SPAG16: variants seen among roughly 807,000 people sequenced by gnomAD.
SPAG16 encodes the protein sperm associated antigen 16.
A neutral mutation model predicts 80.4 loss-of-function variants in SPAG16; 86 were observed. The ratio of observed to expected loss-of-function variants is 1.07; its 90% CI spans 0.90 to 1.28. The LOEUF (loss-of-function observed/expected upper bound fraction) is 1.28. SPAG16 is among the 50% of genes most tolerant of loss of function. The pLI is 0.00. For synonymous variants in SPAG16, 294 were observed against 265.9 expected (o/e 1.11, Z -1.03); for missense variants, 870 against 765.3 (o/e 1.14, Z -1.61).
intron 5 of SPAG16, among the ~76,000 whole-genome samples, chr2:213,320,544 C>A (rs1205673836): frequency 1.3e-5 from 2 of 151,938 alleles, no homozygotes; most frequent in South Asian, 2.1e-4. Flanking sequence ...AATTTCTCTT[C>A]ATCTCCCCTT....
intron 10 of SPAG16, among the ~76,000 whole-genome samples, chr2:213,746,135 C>T (rs2067811056): frequency 6.6e-6 from 1 of 152,182 alleles, no homozygotes; most frequent in Non-Finnish European, 1.5e-5. Context: ...TATTTTTTGT[C>T]ATAGACACAT....
chr2:214,166,751 C>T (rs974933933), intron 15 of SPAG16, among the ~76,000 whole-genome samples: 13 of 152,034 alleles, frequency 8.6e-5, no homozygotes, highest in African/African-American at 2.9e-4. Flanking sequence ...CTACAATGTG[C>T]GTAGGCATTC....
chr2:213,819,231 CAG>C, intron 10 of SPAG16, among the ~76,000 whole-genome samples: 1 of 152,290 alleles, frequency 6.6e-6, no homozygotes, highest in East Asian at 1.9e-4. Context: ...CAATTCCAAT[CAG>C]AGAGTTTTGC....
At chr2:213,897,172 A>G (rs2077027992) in intron 11 of SPAG16, among the ~76,000 whole-genome samples, 1 of 152,182 alleles carries the variant, frequency 6.6e-6, no homozygotes, top group South Asian at 2.1e-4. Context: ...TTAAATTATT[A>G]TTTGTACCCT....
chr2:213,907,454 GA>G (rs1293104717), intron 11 of SPAG16, among the ~76,000 whole-genome samples: 1 of 144,070 alleles, frequency 6.9e-6, no homozygotes, highest in East Asian at 2.0e-4. Context: ...AGCCATTTTG[GA>G]AAACAGCGTG....
At chr2:214,222,842 AAT>A (rs1177854209) in intron 15 of SPAG16, among the ~76,000 whole-genome samples, 2 of 152,290 alleles carry the variant, frequency 1.3e-5, no homozygotes, top group African/African-American at 4.8e-5. Context: ...ATACCAAATA[AAT>A]AGTAATCTTT....
At chr2:213,905,245 CA>C (rs564151634) in intron 11 of SPAG16, among the ~76,000 whole-genome samples, 14 of 150,600 alleles carry the variant, frequency 9.3e-5, no homozygotes, top group East Asian at 3.9e-4. Flanking sequence ...TGCATCTATC[CA>C]AAAAAAAATT....
At chr2:213,377,893 ATATATATATAT>A (rs1559472108) in intron 9 of SPAG16, among the ~76,000 whole-genome samples, 2,062 of 81,640 alleles carry the variant, frequency 0.025, 19 homozygotes, top group South Asian at 0.043. Flanking sequence ...ATATATATAT[ATATATATATAT>A]TTTTTTTTTT....
chr2:213,573,124 T>C (rs899039208), intron 10 of SPAG16, among the ~76,000 whole-genome samples: 1 of 152,096 alleles, frequency 6.6e-6, no homozygotes, highest in African/African-American at 2.4e-5. Context: ...CCCACTGGCC[T>C]GCGCCCACTG....
chr2:214,152,045 T>C (rs1378128877), intron 15 of SPAG16, among the ~76,000 whole-genome samples: 1 of 152,182 alleles, frequency 6.6e-6, no homozygotes, highest in Non-Finnish European at 1.5e-5. Flanking sequence ...ATGACAGATC[T>C]TTATAAATAA....
At chr2:213,829,238 T>C (rs1316016945) in intron 10 of SPAG16, among the ~76,000 whole-genome samples, 1 of 152,144 alleles carries the variant, frequency 6.6e-6, no homozygotes, top group Non-Finnish European at 1.5e-5. Flanking sequence ...CACTTTTTTC[T>C]TTTGTGACCC....
At chr2:214,261,054 C>A (rs1691119350) in intron 15 of SPAG16, among the ~76,000 whole-genome samples, 1 of 138,758 alleles carries the variant, frequency 7.2e-6, no homozygotes, top group African/African-American at 2.7e-5. Flanking sequence ...TTGCAGTGAG[C>A]CGAGATCGCG....
intron 10 of SPAG16, among the ~76,000 whole-genome samples, chr2:213,837,001 T>C (rs900728855): frequency 6.6e-6 from 1 of 152,160 alleles, no homozygotes; most frequent in African/African-American, 2.4e-5. Context: ...GCATTGTTTC[T>C]CTGGGTCAGC....
At chr2:214,136,891 C>G (rs2055083064) in intron 14 of SPAG16, among the ~76,000 whole-genome samples, 1 of 152,076 alleles carries the variant, frequency 6.6e-6, no homozygotes, top group African/African-American at 2.4e-5. Flanking sequence ...TATAGTTATA[C>G]CTTAATACCA....
At chr2:214,274,069 G>A (rs1388217371) in intron 15 of SPAG16, among the ~76,000 whole-genome samples, 1 of 152,114 alleles carries the variant, frequency 6.6e-6, no homozygotes, top group Admixed American at 6.6e-5. Context: ...TTGTGAATGG[G>A]AGTTCTCTCA....
intron 8 of SPAG16, among the ~76,000 whole-genome samples, chr2:213,366,153 AAAAAAAG>A (rs2066277705): frequency 6.6e-6 from 1 of 151,328 alleles, no homozygotes; most frequent in Non-Finnish European, 1.5e-5. Flanking sequence ...AAAAAAAAAA[AAAAAAAG>A]AAGAAAGATA....
chr2:213,389,300 C>A (rs2067613180), intron 9 of SPAG16, among the ~76,000 whole-genome samples: 1 of 151,986 alleles, frequency 6.6e-6, no homozygotes. Flanking sequence ...AGACACAAAA[C>A]TATAAAACTC....
intron 10 of SPAG16, among the ~76,000 whole-genome samples, chr2:213,540,476 A>T (rs2076408040): frequency 6.6e-6 from 1 of 152,164 alleles, no homozygotes; most frequent in African/African-American, 2.4e-5. Context: ...TATTTTCATA[A>T]ATGTAAATAC....
intron 11 of SPAG16, among the ~76,000 whole-genome samples, chr2:213,877,236 A>G (rs2076174979): frequency 6.6e-6 from 1 of 152,222 alleles, no homozygotes; most frequent in Admixed American, 6.6e-5. Flanking sequence ...CCCTTAAATT[A>G]TTATTTAAGA....
Sources: gnomAD v4.1 joint callset for allele counts (sites outside exome capture counted in the v4.1 genomes callset) on GRCh38, gnomAD v4.1.1 for gene constraint, MANE v1.5 for transcripts, NCBI Gene and HGNC (gene_info 2026-07-23, HGNC 2026-07-21) for gene names.